The following SND1 variants were observed in gnomAD, a reference collection of about 807,000 sequenced individuals.
SND1 encodes staphylococcal nuclease domain-containing protein 1.
Under a neutral mutation model 121.7 loss-of-function variants are expected in SND1, and 38 were observed. The observed-to-expected ratio is 0.31, with a 90% confidence interval of 0.24 to 0.41. The LOEUF (loss-of-function observed/expected upper bound fraction) is 0.41. Among genes scored for constraint, SND1 ranks in the 10% least tolerant of loss-of-function variants. The probability of loss-of-function intolerance (pLI) is 1.00; values close to 1 mark genes in which losing one functional copy is unlikely to be tolerated. For missense variants in SND1, 868 were observed against 1,184.6 expected (o/e 0.73, Z 3.92); for synonymous variants, 401 against 447.4 (o/e 0.90, Z 1.31).
Position 128,084,728 on chromosome 7 carries a change from C to T in SND1, c.2115C>T (p.Thr705=). The change falls in exon 19 of 24, where the codon ACC becomes ACT. Residue 705 remains threonine, a synonymous_variant. Transcript: ENST00000354725. ...HFYVQDVETG[T]QLEKLMENMR... is the part of the protein sequence containing the mutation. ...TGTGCTCTTCCTCCCTGGCAGGCAC[C>T]CAGTTGGAGAAGCTGATGGAGAACA... 6.2e-7 allele frequency: 1 copy of T among 1,605,126 alleles called. No homozygotes were observed. Among genetic ancestry groups the T allele is most frequent in the Admixed American group, 1.7e-5 (1 of 59,200 alleles).
chr7:127,914,325 CT>C (rs981752295), intron 14 of SND1, among the ~76,000 whole-genome samples: 2 of 152,160 alleles, frequency 1.3e-5, no homozygotes, highest in African/African-American at 4.8e-5. Context: ...CACATTTCTT[CT>C]TTTTGCAATG....
chr7:127,656,966 C>G (rs1795222364), intron 1 of SND1, among the ~76,000 whole-genome samples: 3 of 152,222 alleles, frequency 2.0e-5, no homozygotes, highest in Non-Finnish European at 4.4e-5. Flanking sequence ...AGCCTGGTAG[C>G]TTTTAATCAA....
intron 16 of SND1, among the ~76,000 whole-genome samples, chr7:127,994,922 C>T (rs1563082286): frequency 6.6e-6 from 1 of 151,950 alleles, no homozygotes. Flanking sequence ...CGGGGTTTCA[C>T]CATATTGGCC....
intron 16 of SND1, among the ~76,000 whole-genome samples, chr7:128,002,386 C>T (rs1015322645): frequency 2.0e-5 from 3 of 152,186 alleles, no homozygotes; most frequent in African/African-American, 7.2e-5. Context: ...AACATAAGGT[C>T]TCTTTGTCTC....
At chr7:127,958,387 T>C (rs1163307460) in intron 15 of SND1, among the ~76,000 whole-genome samples, 1 of 152,246 alleles carries the variant, frequency 6.6e-6, no homozygotes, top group African/African-American at 2.4e-5. Flanking sequence ...GAGGAAACTT[T>C]GTCCAGTCGT....
intron 16 of SND1, among the ~76,000 whole-genome samples, chr7:128,006,421 T>C (rs1013698052): frequency 1.3e-5 from 2 of 152,208 alleles, no homozygotes; most frequent in Admixed American, 6.5e-5. Context: ...ACCTCCCAAA[T>C]AGGACAGTTA....
intron 11 of SND1, among the ~76,000 whole-genome samples, chr7:127,818,288 A>G (rs325443): frequency 0.054 from 8,185 of 152,190 alleles, 639 homozygotes; most frequent in African/African-American, 0.17. Context: ...CTTGTTGCCT[A>G]GTGTGAAGTC....
intron 10 of SND1, among the ~76,000 whole-genome samples, chr7:127,728,880 C>CT (rs1181721744): frequency 6.6e-6 from 1 of 152,174 alleles, no homozygotes; most frequent in Non-Finnish European, 1.5e-5. Context: ...GTGCTGGTAT[C>CT]TAACTATCTC....
At chr7:127,989,738 CTA>C (rs1270980196) in intron 15 of SND1, among the ~76,000 whole-genome samples, 1 of 152,184 alleles carries the variant, frequency 6.6e-6, no homozygotes, top group Non-Finnish European at 1.5e-5. Flanking sequence ...TTTTCGTTTC[CTA>C]TGTCTCTAGC....
chr7:127,716,191 G>C (rs1348905991), intron 9 of SND1, among the ~76,000 whole-genome samples: 1 of 152,000 alleles, frequency 6.6e-6, no homozygotes, highest in Non-Finnish European at 1.5e-5. Context: ...GGCTATTCAG[G>C]GTCTCTTGAG....
chr7:127,996,137 C>CT (rs1436459475), intron 16 of SND1, among the ~76,000 whole-genome samples: 1 of 137,098 alleles, frequency 7.3e-6, no homozygotes, highest in Non-Finnish European at 1.6e-5. Flanking sequence ...TTACTCCCTG[C>CT]TTTAAAAAAA....
Position 127,703,299 on chromosome 7 carries a change from C to T in SND1, c.816C>T (p.Asn272=), listed in dbSNP as rs1197317193. The part of the protein sequence containing the change: ...QIILESCHNQ[N]ILGTILHPNG... ...TTCTGGAGAGCTGCCACAACCAGAA[C>T]ATTCTGGGTACCATCCTTCATCCAG... Residue 272 remains asparagine, a synonymous_variant, in exon 7 of 24, where the codon AAC becomes AAT. Coordinates refer to ENST00000354725, the MANE Select transcript of SND1 (RefSeq NM_014390.4). The T allele has an allele frequency of 8.1e-6, 13 of 1,614,144 alleles. No homozygotes were observed. The highest frequency in any genetic ancestry group is 1.1e-5 in the Non-Finnish European group (13 of 1,179,980).
chr7:127,903,239 G>A (rs780658519), intron 13 of SND1, among the ~76,000 whole-genome samples: 3 of 151,930 alleles, frequency 2.0e-5, no homozygotes, highest in Non-Finnish European at 4.4e-5. Context: ...GGCCAGACTG[G>A]TCTCGAACTC....
intron 1 of SND1, among the ~76,000 whole-genome samples, chr7:127,661,762 G>C (rs1466465588): frequency 6.6e-6 from 1 of 151,972 alleles, no homozygotes; most frequent in Non-Finnish European, 1.5e-5. Flanking sequence ...TGAATAATTG[G>C]TATTTCTATA....
At chr7:127,698,002 A>G (rs1180815242) in intron 3 of SND1, among the ~76,000 whole-genome samples, 1 of 152,198 alleles carries the variant, frequency 6.6e-6, no homozygotes, top group Admixed American at 6.5e-5. Flanking sequence ...GCAGAGATTT[A>G]AGAGAAAACA....
At chr7:128,037,799 A>G (rs1262624435) in intron 16 of SND1, among the ~76,000 whole-genome samples, 1 of 152,172 alleles carries the variant, frequency 6.6e-6, no homozygotes, top group Non-Finnish European at 1.5e-5. Flanking sequence ...GACAAGACAC[A>G]CTCAGGAAAA....
chr7:127,693,953 C>G (rs940047344), intron 2 of SND1, among the ~76,000 whole-genome samples: 3 of 152,076 alleles, frequency 2.0e-5, no homozygotes, highest in Non-Finnish European at 4.4e-5. Flanking sequence ...GCAAAACCAC[C>G]CCTTTGTGTA....
At chr7:127,817,685 A>G (rs550178795) in intron 11 of SND1, among the ~76,000 whole-genome samples, 1 of 149,920 alleles carries the variant, frequency 6.7e-6, no homozygotes, top group African/African-American at 2.4e-5. Flanking sequence ...CATTCCATGG[A>G]CATGCCAAGC....
chr7:127,653,115 G>T (rs1795151252), intron 1 of SND1, among the ~76,000 whole-genome samples: 1 of 152,192 alleles, frequency 6.6e-6, no homozygotes, highest in African/African-American at 2.4e-5. Flanking sequence ...TGGTGGTTTG[G>T]GTTGGAGCCA....
Sources: allele counts gnomAD v4.1 joint callset (sites outside exome capture counted in the v4.1 genomes callset), GRCh38; gene constraint gnomAD v4.1.1; transcripts MANE v1.5; gene names NCBI Gene and HGNC (gene_info 2026-07-23, HGNC 2026-07-21).